HCN1: variants seen among roughly 807,000 people sequenced by gnomAD.
HCN1 encodes the protein hyperpolarization activated cyclic nucleotide gated potassium channel 1.
In HCN1, 13 loss-of-function variants were observed where a neutral mutation model predicts 78.9. The ratio of observed to expected loss-of-function variants is 0.16; its 90% CI spans 0.11 to 0.26. HCN1 has a LOEUF of 0.26. Among genes scored for constraint, HCN1 ranks in the 10% least tolerant of loss-of-function variants. HCN1 has a pLI of 1.00. For missense variants in HCN1, 810 were observed against 1,154.3 expected (o/e 0.70, Z 4.32); for synonymous variants, 552 against 455.5 (o/e 1.21, Z -2.70).
intron 2 of HCN1, among the ~76,000 whole-genome samples, chr5:45,504,069 GCCACCATGCCAGGA>G (rs1240385955): frequency 6.6e-6 from 1 of 152,188 alleles, no homozygotes; most frequent in Admixed American, 6.5e-5. Flanking sequence ...GCAGGCATGA[GCCACCATGCCAGGA>G]CCACATTTTA....
At chr5:45,600,958 GAAGCTC>G (rs751443019) in intron 2 of HCN1, among the ~76,000 whole-genome samples, 3 of 152,120 alleles carry the variant, frequency 2.0e-5, no homozygotes, top group Non-Finnish European at 2.9e-5. Context: ...TCCAAAAAGT[GAAGCTC>G]AATCACTTTA....
chr5:45,671,414 T>C (rs996415035), intron 1 of HCN1, among the ~76,000 whole-genome samples: 6 of 151,340 alleles, frequency 4.0e-5, no homozygotes, highest in Non-Finnish European at 7.4e-5. Flanking sequence ...TAGTACTATA[T>C]ATATATAGCT....
chr5:45,392,249 A>C (rs1433320188), intron 4 of HCN1, among the ~76,000 whole-genome samples: 1 of 152,112 alleles, frequency 6.6e-6, no homozygotes, highest in Non-Finnish European at 1.5e-5. Context: ...TTGAAATATT[A>C]GGTTGATTTA....
At chr5:45,473,864 CA>C (rs1741459446) in intron 2 of HCN1, among the ~76,000 whole-genome samples, 1 of 151,720 alleles carries the variant, frequency 6.6e-6, no homozygotes, top group Non-Finnish European at 1.5e-5. Flanking sequence ...TGAAAACATC[CA>C]CGATAAAATT....
intron 1 of HCN1, among the ~76,000 whole-genome samples, chr5:45,693,684 T>A (rs75541714): frequency 0.012 from 1,799 of 152,276 alleles, 46 homozygotes; most frequent in African/African-American, 0.04. Context: ...TCAAAAGACT[T>A]TCGCATGCTA....
At chr5:45,520,133 C>T (rs1350408402) in intron 2 of HCN1, among the ~76,000 whole-genome samples, 3 of 151,968 alleles carry the variant, frequency 2.0e-5, no homozygotes, top group African/African-American at 7.2e-5. Context: ...TTGGTCCATT[C>T]TGTCACAGTA....
chr5:45,396,077 GA>G (rs748113446), intron 4 of HCN1, among the ~76,000 whole-genome samples: 50 of 152,222 alleles, frequency 3.3e-4, no homozygotes, highest in Admixed American at 5.2e-4. Flanking sequence ...GATTATAGAT[GA>G]GGGGGGGTAC....
intron 5 of HCN1, among the ~76,000 whole-genome samples, chr5:45,311,018 T>G (rs555672395): frequency 6.6e-6 from 1 of 151,584 alleles, no homozygotes; most frequent in East Asian, 1.9e-4. Flanking sequence ...TATCGGAGGG[T>G]GGAAGGAGGG....
At chr5:45,356,437 T>C (rs1561121965) in intron 4 of HCN1, among the ~76,000 whole-genome samples, 1 of 151,994 alleles carries the variant, frequency 6.6e-6, no homozygotes, top group Non-Finnish European at 1.5e-5. Flanking sequence ...CAAGAGTGTT[T>C]ATAAAACACG....
chr5:45,373,097 A>G (rs1244447064), intron 4 of HCN1, among the ~76,000 whole-genome samples: 1 of 134,026 alleles, frequency 7.5e-6, no homozygotes, highest in East Asian at 2.2e-4. Context: ...AATATAATAT[A>G]TATAAAATAC....
chr5:45,657,972 G>A (rs1745809793), intron 1 of HCN1, among the ~76,000 whole-genome samples: 1 of 152,162 alleles, frequency 6.6e-6, no homozygotes, highest in African/African-American at 2.4e-5. Context: ...GAGGCATCAT[G>A]CTACCTGACT....
intron 3 of HCN1, among the ~76,000 whole-genome samples, chr5:45,431,235 T>C (rs1489398858): frequency 6.6e-6 from 1 of 152,196 alleles, no homozygotes; most frequent in Non-Finnish European, 1.5e-5. Context: ...TGGCTGCATG[T>C]ATGTCTTCTT....
At position 45,262,321 on chromosome 5, in the gene HCN1, G is replaced by T; in HGVS notation, c.2273C>A (p.Pro758His). ...TTCATTTTTCGGCGTGGAGCTGCCA[G>T]GTGTCTGTGGCTGCGGGGACGGCTG... Reference protein sequence around the residue: ...PQQPSPQPQTPGSSTPKNEVH... With the variant: ...PQQPSPQPQTHGSSTPKNEVH... The change falls in exon 8 of 8, where the codon CCT becomes CAT. Residue 758 changes from proline to histidine, a missense_variant. Physicochemically the swap from Pro to His is moderately conservative, Grantham distance 77 (BLOSUM62 -2). Around this residue, in one of 6 missense-constraint regions of HCN1, gnomAD observed 398 missense variants for 381.3 expected, o/e 1.04. Coordinates refer to ENST00000303230, the MANE Select transcript of HCN1 (RefSeq NM_021072.4). The T allele has an allele frequency of 6.2e-7, 1 of 1,613,830 alleles. No homozygotes were observed.
chr5:45,497,875 G>T (rs1216198484), intron 2 of HCN1, among the ~76,000 whole-genome samples: 1 of 152,118 alleles, frequency 6.6e-6, no homozygotes, highest in Non-Finnish European at 1.5e-5. Flanking sequence ...GAAATTCTGG[G>T]TTGAAAATTC....
In HCN1 at chr5:45,598,929, G is replaced by A. The variant is rs1341601680; in HGVS notation, c.849+46256C>T. On this transcript the variant is annotated intron_variant, in intron 2 of 7. Transcript: ENST00000303230. Reference sequence around the variant, plus strand: ...TCAGGAAACAACAGATGCTGGAGAGGATGTGGAGAAATAGGAATGCTTTTA... The same window carrying A: ...TCAGGAAACAACAGATGCTGGAGAGAATGTGGAGAAATAGGAATGCTTTTA... Among the ~76,000 whole-genome samples the A allele has an allele frequency of 3.3e-5, 5 of 152,286 alleles. No individual in the cohort carries two copies. In the South Asian group the frequency reaches 1.0e-3, roughly 32 times the overall value.
chr5:45,659,200 AC>A (rs979067160), intron 1 of HCN1, among the ~76,000 whole-genome samples: 10 of 148,164 alleles, frequency 6.7e-5, no homozygotes, highest in Non-Finnish European at 1.5e-4. Context: ...GCACACTGAC[AC>A]CTCACACGGC....
At chr5:45,350,955 G>A (rs573846155) in intron 5 of HCN1, among the ~76,000 whole-genome samples, 1 of 152,178 alleles carries the variant, frequency 6.6e-6, no homozygotes, top group Admixed American at 6.5e-5. Flanking sequence ...ACTGCCCAAG[G>A]TAATTTATAG....
At chr5:45,336,357 A>C (rs1045950670) in intron 5 of HCN1, among the ~76,000 whole-genome samples, 1 of 152,100 alleles carries the variant, frequency 6.6e-6, no homozygotes, top group African/African-American at 2.4e-5. Context: ...GAAAACTGTA[A>C]TGTTCCTTTA....
chr5:45,650,387 A>G (rs184547477), intron 1 of HCN1, among the ~76,000 whole-genome samples: 6 of 152,106 alleles, frequency 3.9e-5, no homozygotes. Flanking sequence ...AACGTCAACA[A>G]TGATAGGACT....
Sources: gnomAD v4.1 joint callset for allele counts (sites outside exome capture counted in the v4.1 genomes callset) on GRCh38, gnomAD v4.1.1 for gene constraint, gnomAD v4.1.1 regional missense constraint, MANE v1.5 for transcripts, NCBI Gene and HGNC (gene_info 2026-07-23, HGNC 2026-07-21) for gene names.